The following GRIK2 variants were observed in gnomAD, a reference collection of about 807,000 sequenced individuals.
GRIK2 encodes glutamate ionotropic receptor kainate type subunit 2.
GRIK2 carries 32 observed loss-of-function variants against 100.3 expected under a neutral mutation model. The ratio of observed to expected loss-of-function variants is 0.32; its 90% CI spans 0.24 to 0.43. GRIK2 has a LOEUF of 0.43. GRIK2 is among the 20% of genes least tolerant of loss of function. The probability of loss-of-function intolerance (pLI) is 1.00; values close to 1 mark genes in which losing one functional copy is unlikely to be tolerated. For missense variants in GRIK2, 843 were observed against 1,114.9 expected (o/e 0.76, Z 3.47); for synonymous variants, 417 against 389.4 (o/e 1.07, Z -0.83).
intron 7 of GRIK2, among the ~76,000 whole-genome samples, chr6:101,779,163 T>C (rs962696764): frequency 2.0e-5 from 3 of 152,192 alleles, no homozygotes; most frequent in African/African-American, 7.2e-5. Flanking sequence ...TAGATTTTAC[T>C]GTTTTTTTTA....
At chr6:101,681,405 T>G in intron 5 of GRIK2, among the ~76,000 whole-genome samples, 2 of 7,746 alleles carry the variant, frequency 2.6e-4, no homozygotes, top group East Asian at 3.5e-3. Flanking sequence ...TTCTTTTCTA[T>G]TTTTTTTTTT....
At chr6:102,035,610 G>A in intron 15 of GRIK2, 44 bp downstream of exon 15, 1 of 1,189,024 alleles carries the variant, frequency 8.4e-7, no homozygotes, top group Non-Finnish European at 1.2e-6. Flanking sequence ...ATTAATCTGA[G>A]TTGCTGTAAG....
At chr6:101,447,782 G>T (rs562466340) in intron 2 of GRIK2, among the ~76,000 whole-genome samples, 8 of 151,410 alleles carry the variant, frequency 5.3e-5, no homozygotes, top group African/African-American at 1.9e-4. Flanking sequence ...CCCTAAATCC[G>T]TAAATTGACA....
chr6:101,660,204 AT>A (rs904624922), intron 4 of GRIK2, among the ~76,000 whole-genome samples: 27 of 150,434 alleles, frequency 1.8e-4, no homozygotes, highest in South Asian at 1.3e-3. Context: ...TTGTCTTCAC[AT>A]TTTTTTTTAT....
chr6:101,563,259 G>C (rs995748305), intron 2 of GRIK2, among the ~76,000 whole-genome samples: 1 of 152,130 alleles, frequency 6.6e-6, no homozygotes, highest in African/African-American at 2.4e-5. Context: ...GTTCTATTAA[G>C]TATCTTATAA....
Position 101,656,313 on chromosome 6 carries a change from AAAAGAAAAAAG to A in GRIK2, c.542-20306_542-20296del, listed in dbSNP as rs1459880226. On this transcript the variant is annotated intron_variant, in intron 4 of 16. Coordinates refer to ENST00000369134, the MANE Select transcript of GRIK2 (RefSeq NM_021956.5). ...AGAGAGACTCCATCCAAAAAAAAAA[AAAAGAAAAAAG>A]AAATGATAAATGACAATAAGAAAGG... Among the ~76,000 whole-genome samples, 201 of 152,066 alleles carry A rather than the reference AAAAGAAAAAAG, an allele frequency of 1.3e-3. 1 individual carries two copies. The highest frequency in any genetic ancestry group is 4.7e-3 in the African/African-American group (197 of 41,518).
At chr6:102,004,038 G>C (rs1795083472) in intron 14 of GRIK2, among the ~76,000 whole-genome samples, 1 of 148,452 alleles carries the variant, frequency 6.7e-6, no homozygotes, top group South Asian at 2.1e-4. Flanking sequence ...TTAATTTTAA[G>C]TGCACATTTA....
chr6:101,595,206 G>A (rs1460304386), intron 2 of GRIK2, among the ~76,000 whole-genome samples: 2 of 151,596 alleles, frequency 1.3e-5, no homozygotes, highest in African/African-American at 4.8e-5. Context: ...GAGAAAGGGA[G>A]GAAAACAGGG....
At chr6:101,475,153 A>G (rs979426921) in intron 2 of GRIK2, among the ~76,000 whole-genome samples, 1 of 151,912 alleles carries the variant, frequency 6.6e-6, no homozygotes, top group African/African-American at 2.4e-5. Context: ...ATGACTAATA[A>G]CATATTTAAA....
At chr6:101,845,012 T>C (rs1027663471) in intron 10 of GRIK2, among the ~76,000 whole-genome samples, 1 of 151,358 alleles carries the variant, frequency 6.6e-6, no homozygotes, top group Non-Finnish European at 1.5e-5. Context: ...TTTGTTGTTG[T>C]TGTTGTTGTT....
Position 101,859,421 on chromosome 6 carries a change from A to T in GRIK2, c.1452A>T (p.Glu484Asp). The part of the protein sequence containing the change: ...LGFTYEIRLV[E>D]DGKYGAQDDA... ...TTACATATGAAATTAGACTTGTGGA[A>T]GATGGGAAATATGGAGCCCAGGATG... The change falls in exon 11 of 17, where the codon GAA becomes GAT. Residue 484 changes from glutamate to aspartate, a missense_variant. Around this residue, in one of 3 missense-constraint regions of GRIK2, gnomAD observed 519 missense variants for 643.8 expected, o/e 0.81. Coordinates refer to ENST00000369134, the MANE Select transcript of GRIK2 (RefSeq NM_021956.5). 1.2e-6 allele frequency: 2 copies of T among 1,609,852 alleles called. No homozygotes were observed. Among genetic ancestry groups the T allele is most frequent in the Middle Eastern group, 3.3e-4 (2 of 6,056 alleles).
At chr6:101,551,543 G>A (rs940661229) in intron 2 of GRIK2, among the ~76,000 whole-genome samples, 12 of 152,038 alleles carry the variant, frequency 7.9e-5, no homozygotes, top group African/African-American at 2.2e-4. Flanking sequence ...GGCCATATCC[G>A]GGCCTGGATG....
rs3056156 is a variant in GRIK2, at chr6:101,651,004, C to CT, written c.541+24386dup. Among the ~76,000 whole-genome samples the CT allele has an allele frequency of 7.2e-3, 864 of 119,486 alleles. 17 individuals are homozygous for CT. Among genetic ancestry groups the CT allele is most frequent in the Admixed American group, 0.052 (602 of 11,482 alleles). The allele number at this position is 119,486 out of a possible 152,430, so 78.4% of individuals were successfully genotyped here. On this transcript the variant is annotated intron_variant, in intron 4 of 16. Transcript: ENST00000369134. ...ACTCTTTTTGTATTTCTTTCTTTTT[C>CT]TTTTTTTTTTTTTTTTTTTGGCAAC...
At chr6:101,956,798 T>C (rs9377327) in intron 14 of GRIK2, among the ~76,000 whole-genome samples, 9 of 118,792 alleles carry the variant, frequency 7.6e-5, no homozygotes, top group Non-Finnish European at 1.3e-4. Flanking sequence ...TTTTCTTATA[T>C]ATATCAATAA....
chr6:101,545,968 T>A (rs185510083), intron 2 of GRIK2, among the ~76,000 whole-genome samples: 1 of 151,708 alleles, frequency 6.6e-6, no homozygotes, highest in Admixed American at 6.6e-5. Flanking sequence ...TCTGAGCTGA[T>A]CCCTCTAGCT....
chr6:101,477,838 C>T (rs965596852), intron 2 of GRIK2, among the ~76,000 whole-genome samples: 3 of 152,134 alleles, frequency 2.0e-5, no homozygotes, highest in Non-Finnish European at 4.4e-5. Flanking sequence ...CTAGTTTAGA[C>T]TGTAATTTAC....
At chr6:102,017,736 C>G (rs1172039084) in intron 14 of GRIK2, among the ~76,000 whole-genome samples, 1 of 152,036 alleles carries the variant, frequency 6.6e-6, no homozygotes, top group Admixed American at 6.6e-5. Flanking sequence ...ATATTTCTCT[C>G]TTTATTTTTC....
At chr6:101,600,641 G>A (rs1287179488) in intron 2 of GRIK2, among the ~76,000 whole-genome samples, 2 of 151,302 alleles carry the variant, frequency 1.3e-5, no homozygotes. Context: ...GTAGTTGAAG[G>A]TTTTTGTTTT....
intron 4 of GRIK2, among the ~76,000 whole-genome samples, chr6:101,627,884 A>G (rs1052897678): frequency 2.5e-4 from 38 of 152,296 alleles, no homozygotes; most frequent in African/African-American, 8.2e-4. Context: ...AACAAGTCTC[A>G]GAGAAATACA....
Sources: allele counts gnomAD v4.1 joint callset (sites outside exome capture counted in the v4.1 genomes callset), GRCh38; gene constraint gnomAD v4.1.1; regional missense constraint gnomAD v4.1.1; transcripts MANE v1.5; gene names NCBI Gene and HGNC (gene_info 2026-07-23, HGNC 2026-07-21).